ADGRL2: variants seen among roughly 807,000 people sequenced by gnomAD.
ADGRL2 encodes calcium-independent alpha-latrotoxin receptor 2.
A neutral mutation model predicts 157.4 loss-of-function variants in ADGRL2; 44 were observed. That is an observed-to-expected ratio of 0.28 (90% confidence interval 0.22 to 0.36). The LOEUF is 0.36. Among genes scored for constraint, ADGRL2 ranks in the 10% least tolerant of loss-of-function variants. The probability of loss-of-function intolerance (pLI) is 1.00; values close to 1 mark genes in which losing one functional copy is unlikely to be tolerated. For synonymous variants in ADGRL2, 585 were observed against 624.7 expected (o/e 0.94, Z 0.95); for missense variants, 1,510 against 1,768.9 (o/e 0.85, Z 2.63).
At chr1:81,974,022 T>C (rs1013132727) in intron 17 of ADGRL2, among the ~76,000 whole-genome samples, 19 of 152,192 alleles carry the variant, frequency 1.2e-4, no homozygotes, top group African/African-American at 4.6e-4. Context: ...ATAGATTGTA[T>C]TGTATACTAT....
At chr1:81,403,799 ATTT>A (rs200477492) in intron 1 of ADGRL2, among the ~76,000 whole-genome samples, 1 of 139,250 alleles carries the variant, frequency 7.2e-6, no homozygotes, top group Non-Finnish European at 1.5e-5. Flanking sequence ...AATGTCTTTG[ATTT>A]TTTTTTTTTT....
chr1:81,411,061 T>C (rs1486054030), intron 1 of ADGRL2, among the ~76,000 whole-genome samples: 2 of 152,230 alleles, frequency 1.3e-5, no homozygotes, highest in East Asian at 1.9e-4. Flanking sequence ...CCATTTTAGT[T>C]GCCACTATTA....
At chr1:81,507,481 G>A (rs999040154) in intron 2 of ADGRL2, among the ~76,000 whole-genome samples, 1 of 152,190 alleles carries the variant, frequency 6.6e-6, no homozygotes, top group Non-Finnish European at 1.5e-5. Flanking sequence ...CCTCTGATTA[G>A]TGACATTTTG....
At position 81,990,583 on chromosome 1, in the gene ADGRL2, G is replaced by A. The variant is rs760725709; in HGVS notation, c.3848G>A (p.Arg1283Gln). The change falls in exon 24 of 24, where the codon CGG (arginine) becomes CAG (glutamine). Residue 1283 changes from arginine to glutamine, a missense_variant. By Grantham distance (43) the Arg-to-Gln change is conservative (BLOSUM62 1). Coordinates refer to ENST00000686636, the MANE Select transcript of ADGRL2 (RefSeq NM_001366006.2). ...IISELVHNNL[R>Q]GSSKTHNLEL... ...TCAGAATTAGTGCACAACAACTTACGGGGCAGCAGCAAGACTCACAACCTC... is the reference window on the plus strand; with the variant it reads ...TCAGAATTAGTGCACAACAACTTACAGGGCAGCAGCAAGACTCACAACCTC... 45 of 1,613,980 alleles carry A rather than the reference G, an allele frequency of 2.8e-5. No individual in the cohort carries two copies. The highest frequency in any genetic ancestry group is 5.0e-5 in the Admixed American group (3 of 59,974).
At chr1:81,665,239 A>G (rs1337453476) in intron 3 of ADGRL2, among the ~76,000 whole-genome samples, 1 of 152,142 alleles carries the variant, frequency 6.6e-6, no homozygotes, top group Non-Finnish European at 1.5e-5. Flanking sequence ...GAGGTAGAGA[A>G]CATGCAAAGA....
intron 2 of ADGRL2, among the ~76,000 whole-genome samples, chr1:81,767,783 G>A (rs1216133990): frequency 2.0e-5 from 3 of 149,356 alleles, no homozygotes; most frequent in African/African-American, 5.0e-5. Context: ...GAGGTGAGAG[G>A]GACAATGGAG....
chr1:81,971,479 G>A (rs1018863577), intron 16 of ADGRL2, among the ~76,000 whole-genome samples: 3 of 152,082 alleles, frequency 2.0e-5, no homozygotes, highest in African/African-American at 7.2e-5. Flanking sequence ...GATCTGAAAG[G>A]CAAATTTTGA....
intron 2 of ADGRL2, among the ~76,000 whole-genome samples, chr1:81,459,304 C>T (rs1452987082): frequency 6.6e-6 from 1 of 152,122 alleles, no homozygotes; most frequent in Non-Finnish European, 1.5e-5. Context: ...CTGTCTGTCT[C>T]CTGTTGCTAT....
intron 7 of ADGRL2, among the ~76,000 whole-genome samples, 197 bp from the exon 8 acceptor site, chr1:81,950,821 A>G (rs900244444): frequency 2.6e-5 from 4 of 152,188 alleles, no homozygotes; most frequent in African/African-American, 9.6e-5. Flanking sequence ...TGCTATAAAT[A>G]TATGATATTT....
At chr1:81,576,436 G>A (rs565941994) in intron 2 of ADGRL2, among the ~76,000 whole-genome samples, 3 of 152,150 alleles carry the variant, frequency 2.0e-5, no homozygotes, top group South Asian at 4.2e-4. Context: ...CCAAGGACAG[G>A]TGCCAGTTAA....
At chr1:81,371,473 G>A (rs74093397) in intron 1 of ADGRL2, among the ~76,000 whole-genome samples, 2,520 of 152,188 alleles carry the variant, frequency 0.017, 66 homozygotes, top group African/African-American at 0.056. Context: ...AATCTTACAC[G>A]TTTCTATTAA....
intron 1 of ADGRL2, among the ~76,000 whole-genome samples, chr1:81,320,701 C>A (rs947981466): frequency 1.1e-4 from 16 of 152,300 alleles, no homozygotes; most frequent in Admixed American, 9.8e-4. Context: ...TTAAAATATT[C>A]AGTAAACCAT....
chr1:81,693,157 T>TC (rs966209391), intron 3 of ADGRL2, among the ~76,000 whole-genome samples: 1 of 152,088 alleles, frequency 6.6e-6, no homozygotes, highest in Non-Finnish European at 1.5e-5. Context: ...AGCCTTCTGC[T>TC]CCCCTGAACT....
intron 4 of ADGRL2, among the ~76,000 whole-genome samples, chr1:81,938,558 A>G (rs1047249648): frequency 2.0e-5 from 3 of 151,814 alleles, no homozygotes; most frequent in Non-Finnish European, 3.0e-5. Context: ...TCAGAGAAGT[A>G]TTTGTTCCTT....
chr1:81,755,904 A>T (rs2085672981), intron 1 of ADGRL2, among the ~76,000 whole-genome samples: 1 of 152,048 alleles, frequency 6.6e-6, no homozygotes, highest in Admixed American at 6.6e-5. Context: ...CACCAACATC[A>T]CCAGGGAAGT....
At chr1:81,702,603 G>A (rs2083608644) in intron 1 of ADGRL2, among the ~76,000 whole-genome samples, 1 of 152,092 alleles carries the variant, frequency 6.6e-6, no homozygotes, top group African/African-American at 2.4e-5. Context: ...TTTCCTTATG[G>A]CTCTGTCATG....
chr1:81,343,348 C>G, intron 1 of ADGRL2, among the ~76,000 whole-genome samples: 1 of 152,010 alleles, frequency 6.6e-6, no homozygotes, highest in East Asian at 1.9e-4. Context: ...CCTCAGCCTC[C>G]CAAAGTACTG....
At chr1:81,899,687 AT>A (rs1351170803) in intron 2 of ADGRL2, among the ~76,000 whole-genome samples, 1 of 152,154 alleles carries the variant, frequency 6.6e-6, no homozygotes, top group African/African-American at 2.4e-5. Flanking sequence ...GATGGATTAG[AT>A]TACATTTTGC....
chr1:81,757,579 A>G lies in ADGRL2; in HGVS notation c.-142-4232A>G, dbSNP rs527754916. Among the ~76,000 whole-genome samples the G allele has an allele frequency of 2.0e-5, 3 of 152,284 alleles. No homozygotes were observed. The South Asian group carries it at 6.2e-4, about 32-fold the overall frequency. Reference sequence around the variant, plus strand: ...TGTACCTCACTGCCAATTTCTGTACATCACTTCCCTTTTTTGTCTATAAAT... The same window carrying G: ...TGTACCTCACTGCCAATTTCTGTACGTCACTTCCCTTTTTTGTCTATAAAT... On this transcript the variant is annotated intron_variant, in intron 1 of 20. Transcript: ENST00000359929.
Sources: gnomAD v4.1 joint callset for allele counts (sites outside exome capture counted in the v4.1 genomes callset) on GRCh38, gnomAD v4.1.1 for gene constraint, MANE v1.5 for transcripts, NCBI Gene and HGNC (gene_info 2026-07-23, HGNC 2026-07-21) for gene names.